Variants in ZFHX2 observed in about 807,000 individuals in gnomAD.
ZFHX2 encodes the protein zinc finger homeobox 2.
In ZFHX2, 75 loss-of-function variants were observed where a neutral mutation model predicts 164.8. The observed-to-expected ratio is 0.46, with a 90% CI of 0.38 to 0.55. The LOEUF (loss-of-function observed/expected upper bound fraction) is 0.55. Ranked by LOEUF, ZFHX2 falls within the 20% of genes least tolerant of loss-of-function variation. The probability of loss-of-function intolerance (pLI) is 0.00; values close to 1 mark genes in which losing one functional copy is unlikely to be tolerated. For missense variants in ZFHX2, 2,933 were observed against 3,308.0 expected, an observed-to-expected ratio of 0.89 and a Z score of 2.78; for synonymous variants, 1,217 against 1,351.4, an observed-to-expected ratio of 0.90 and a Z score of 2.18.
chr14:23,524,401 C>T lies in ZFHX2; in HGVS notation c.5541G>A (p.Gly1847=). Residue 1847 remains glycine, a synonymous_variant, in exon 9 of 10, where the codon GGG becomes GGA. Transcript: ENST00000419474. The surrounding 1 kb of genome is among the most constrained non-coding windows in gnomAD (Gnocchi z 5.6). ...TGGGGGGCTCGCCCTCCCCTCCTCC[C>T]CCTGCTTCACTGCCTGTGGGAGACA... ...GSLSPTGSEA[G]GGGEGEPPRD... 1 of 1,536,228 alleles carries T rather than the reference C, an allele frequency of 6.5e-7. No individual in the cohort carries two copies. Among genetic ancestry groups the T allele is most frequent in the Non-Finnish European group, 8.7e-7 (1 of 1,146,910 alleles).
Position 23,531,320 on chromosome 14 carries a change from G to A in ZFHX2, c.2800+161C>T, listed in dbSNP as rs540400709. 68 of 1,089,486 alleles carry A rather than the reference G, an allele frequency of 6.2e-5. 1 individual carries two copies. The South Asian group carries it at 1.4e-3, about 22-fold the overall frequency. The allele number at this position is 1,089,486 out of a possible 1,614,324, so 67.5% of individuals were successfully genotyped here. On this transcript the variant is annotated intron_variant, in intron 4 of 9. Transcript: ENST00000419474. Reference sequence around the variant, plus strand: ...AGGTAGCCTCCACAGTGCCTGACACGCTCATTCTGTCTTATCCCTTCGCAG... The same window carrying A: ...AGGTAGCCTCCACAGTGCCTGACACACTCATTCTGTCTTATCCCTTCGCAG...
upstream of ZFHX2, among the ~76,000 whole-genome samples, chr14:23,554,468 C>T (rs1452161542): frequency 2.0e-5 from 3 of 152,052 alleles, no homozygotes; most frequent in African/African-American, 7.2e-5. Flanking sequence ...CCTTGACCTC[C>T]TGGGCTCAAG....
At chr14:23,541,827 AT>A (rs1771551939) in intron 1 of ZFHX2, among the ~76,000 whole-genome samples, 1 of 65,776 alleles carries the variant, frequency 1.5e-5, no homozygotes, top group Non-Finnish European at 2.6e-5. Flanking sequence ...TCATTCTATC[AT>A]CTCTAAATCT....
In ZFHX2 at chr14:23,520,943, C is replaced by G. The variant is rs1291295436; in HGVS notation, c.*1019G>C. On this transcript the variant is annotated 3_prime_UTR_variant, in exon 10 of 10. Transcript: ENST00000419474. This position sits in a 1 kb window ranked among gnomAD's most constrained non-coding sequence, Gnocchi z 8.7. ...GTTCATTCCTCTGGTGTCCGTTTCT[C>G]TCTTTTGTGCGCGTGTGCACGTACT... 1 of 149,514 alleles carries G rather than the reference C, an allele frequency of 6.7e-6. No homozygotes were observed. Among genetic ancestry groups the G allele is most frequent in the Admixed American group, 6.7e-5 (1 of 15,036 alleles). 9.3% of individuals were successfully genotyped at this position (149,514 alleles called of 1,614,324 possible). A position where few individuals can be genotyped will look rare whatever the true frequency, so the allele number is the denominator to read the frequency against.
Position 23,534,646 on chromosome 14 carries a change from T to C in ZFHX2, c.680A>G (p.Asn227Ser). Reference protein sequence around the residue: ...PGDPKDGPMGNSGGNHVAVFW... With the variant: ...PGDPKDGPMGSSGGNHVAVFW... ...GACCGCCACGTGGTTGCCCCCGCTG[T>C]TCCCCATGGGGCCATCTTTGGGATC... The change falls in exon 2 of 10, where the codon AAC becomes AGC. Residue 227 changes from asparagine (N) to serine (S), a missense_variant. Physicochemically the swap from Asn to Ser is conservative, Grantham distance 46. Coordinates refer to ENST00000419474, the MANE Select transcript of ZFHX2 (RefSeq NM_033400.3). This position sits in a 1 kb window ranked among gnomAD's most constrained non-coding sequence, Gnocchi z 4.5. 1 of 1,536,158 alleles carries C rather than the reference T, an allele frequency of 6.5e-7. No individual in the cohort carries two copies. The highest frequency in any genetic ancestry group is 8.7e-7 in the Non-Finnish European group (1 of 1,146,908).
chr14:23,538,408 T>C (rs2295906), intron 1 of ZFHX2, among the ~76,000 whole-genome samples: 51,664 of 151,550 alleles, frequency 0.34, 12,249 homozygotes, highest in African/African-American at 0.68. Context: ...ATTATTTTTT[T>C]GCTTTTTTTC....
Position 23,525,949 on chromosome 14 carries a change from G to A in ZFHX2, c.3993C>T (p.Asp1331=). Reference sequence around the variant, plus strand: ...AGAGAGGGGCTGGGAATCGGTGCAGGTCCAAGGGAGGTGGGGGAGGGGACA... The same window carrying A: ...AGAGAGGGGCTGGGAATCGGTGCAGATCCAAGGGAGGTGGGGGAGGGGACA... The part of the protein sequence containing the change: ...PFLSPPPPPL[D]LHRFPAPLFT... The change falls in exon 9 of 10, where the codon GAC becomes GAT. Residue 1331 remains aspartate (D), a synonymous_variant. Transcript: ENST00000419474. The surrounding 1 kb of genome is among the most constrained non-coding windows in gnomAD (Gnocchi z 5.9). 2 of 1,496,572 alleles carry A rather than the reference G, an allele frequency of 1.3e-6. No individual in the cohort carries two copies. Among genetic ancestry groups the A allele is most frequent in the East Asian group, 4.9e-5 (2 of 40,642 alleles). 92.7% of individuals were successfully genotyped at this position (1,496,572 alleles called of 1,614,324 possible). A position where few individuals can be genotyped will look rare whatever the true frequency, so the allele number is the denominator to read the frequency against.
Position 23,529,760 on chromosome 14 carries a change from C to T in ZFHX2, c.2884G>A (p.Glu962Lys). 6.5e-7 allele frequency: 1 copy of T among 1,536,334 alleles called. No individual in the cohort carries two copies. The highest frequency in any genetic ancestry group is 1.2e-5 in the South Asian group (1 of 84,066). The change falls in exon 6 of 10, where the codon GAG becomes AAG. Residue 962 changes from glutamate (E) to lysine (K), a missense_variant. By Grantham distance (56) the Glu-to-Lys change is moderately conservative. Coordinates refer to ENST00000419474, the MANE Select transcript of ZFHX2 (RefSeq NM_033400.3). ...QNKTEQLASEETENKTGPSRD... is the reference protein window; with the variant it reads ...QNKTEQLASEKTENKTGPSRD... ...GAAGGGCCAGTCTTGTTTTCTGTCT[C>T]TTCTGAAGCTGAGGATGAAAGAAGA...
Position 23,525,416 on chromosome 14 carries a change from A to G in ZFHX2, c.4526T>C (p.Phe1509Ser). 1.3e-6 allele frequency: 2 copies of G among 1,536,160 alleles called. No homozygotes were observed. The highest frequency in any genetic ancestry group is 4.9e-5 in the East Asian group (2 of 40,904). Residue 1509 changes from phenylalanine (F) to serine (S), a missense_variant, in exon 9 of 10, where the codon TTT becomes TCT. Physicochemically the swap from Phe to Ser is radical, Grantham distance 155. Transcript: ENST00000419474. The surrounding 1 kb of genome is among the most constrained non-coding windows in gnomAD (Gnocchi z 5.9). ...AGCAGCATAACGGCTCAGGGCTTCA[A>G]AGGGCAGAAAGCGGCGGTGGACATG... ...EEHVHRRFLP[F>S]EALSRYAAQF... is the part of the protein sequence containing the mutation.
chr14:23,533,658 G>T lies in ZFHX2; in HGVS notation c.1668C>A (p.Pro556=). ...TCTTAGGCTCTTTGTCTCCCGCGGA[G>T]GGTGGGAGTGATGCCTCTGGTGGAC... is the stretch of plus-strand genomic sequence containing the variant. ...QGSPPEASLP[P]SAGDKEPKTK... The change falls in exon 2 of 10, where the codon CCC becomes CCA. Residue 556 remains proline (P), a synonymous_variant. Coordinates refer to ENST00000419474, the MANE Select transcript of ZFHX2 (RefSeq NM_033400.3). The surrounding 1 kb of genome is among the most constrained non-coding windows in gnomAD (Gnocchi z 4.8). The T allele has an allele frequency of 6.5e-7, 1 of 1,537,368 alleles. No individual in the cohort carries two copies. The highest frequency in any genetic ancestry group is 8.7e-7 in the Non-Finnish European group (1 of 1,147,294).
In ZFHX2 at chr14:23,521,578, G is replaced by C. The variant is rs1211527843; in HGVS notation, c.*384C>G. 5.0e-6 allele frequency: 1 copy of C among 198,064 alleles called. No homozygotes were observed. Among genetic ancestry groups the C allele is most frequent in the Non-Finnish European group, 1.0e-5 (1 of 97,584 alleles). 12.3% of individuals were successfully genotyped at this position (198,064 alleles called of 1,614,324 possible). ...ATAACGTGTGTGTGTGCATGTATGT[G>C]TATGCATTTATGGGGATGGGGAGCT... On this transcript the variant is annotated 3_prime_UTR_variant, in exon 10 of 10. Transcript: ENST00000419474.
upstream of ZFHX2, among the ~76,000 whole-genome samples, chr14:23,552,399 TCTCCTACCTCAGC>T (rs976807025): frequency 6.6e-6 from 1 of 151,630 alleles, no homozygotes; most frequent in Non-Finnish European, 1.5e-5. Context: ...TTCAAGCGAT[TCTCCTACCTCAGC>T]CTCCTAAGTA....
Position 23,522,575 on chromosome 14 carries a change from G to A in ZFHX2, c.7106C>T (p.Ala2369Val). The A allele has an allele frequency of 2.0e-6, 3 of 1,526,852 alleles. No homozygotes were observed. The highest frequency in any genetic ancestry group is 1.2e-5 in the South Asian group (1 of 83,236). 94.6% of individuals were successfully genotyped at this position (1,526,852 alleles called of 1,614,324 possible). A position where few individuals can be genotyped will look rare whatever the true frequency, so the allele number is the denominator to read the frequency against. Reference sequence around the variant, plus strand: ...CATGCCATAGAGCTGTTGGAAGTAGGCCCCCTGTAGCTGGGGGCCAAAGAC... The same window carrying A: ...CATGCCATAGAGCTGTTGGAAGTAGACCCCCTGTAGCTGGGGGCCAAAGAC... ...PAVFGPQLQG[A>V]YFQQLYGMKK... The change falls in exon 10 of 10, where the codon GCC (alanine) becomes GTC (valine). Residue 2369 changes from alanine (A) to valine (V), a missense_variant. Physicochemically the swap from Ala to Val is moderately conservative, Grantham distance 64 (BLOSUM62 0). Transcript: ENST00000419474.
chr14:23,526,032 C>A lies in ZFHX2; in HGVS notation c.3910G>T (p.Val1304Leu). 1 of 1,536,176 alleles carries A rather than the reference C, an allele frequency of 6.5e-7. No homozygotes were observed. Among genetic ancestry groups the A allele is most frequent in the East Asian group, 2.4e-5 (1 of 40,910 alleles). The change falls in exon 9 of 10, where the codon GTG becomes TTG. Residue 1304 changes from valine to leucine, a missense_variant. Coordinates refer to ENST00000419474, the MANE Select transcript of ZFHX2 (RefSeq NM_033400.3). Reference protein sequence around the residue: ...EPKEGETEGEVGTEKKGPDTS... With the variant: ...EPKEGETEGELGTEKKGPDTS... ...TCAGGGCCCTTCTTCTCAGTGCCCA[C>A]CTCCCCCTCTGTCTCGCCTTCCTTG...
chr14:23,536,488 A>G (rs886252933), intron 1 of ZFHX2, among the ~76,000 whole-genome samples: 1 of 152,216 alleles, frequency 6.6e-6, no homozygotes, highest in Non-Finnish European at 1.5e-5. Flanking sequence ...CAGTTGAAAG[A>G]TAACAGCTAG....
In ZFHX2 at chr14:23,551,559, A is replaced by G. The variant is rs969482995; in HGVS notation, c.-266T>C. On this transcript the variant is annotated 5_prime_UTR_variant, in exon 1 of 10. Transcript: ENST00000419474. This position sits in a 1 kb window ranked among gnomAD's most constrained non-coding sequence, Gnocchi z 5.3. ...TCACGGCGGTGAGGGAAGTGAAGGAAAATAATCAATGCTATTTGGCTGCGG... is the reference window on the plus strand; with the variant it reads ...TCACGGCGGTGAGGGAAGTGAAGGAGAATAATCAATGCTATTTGGCTGCGG... The G allele has an allele frequency of 6.5e-6, 1 of 152,672 alleles. No individual in the cohort carries two copies. The highest frequency in any genetic ancestry group is 2.4e-5 in the African/African-American group (1 of 41,418). 9.5% of individuals were successfully genotyped at this position (152,672 alleles called of 1,614,324 possible). A position where few individuals can be genotyped will look rare whatever the true frequency, so the allele number is the denominator to read the frequency against.
In ZFHX2 at chr14:23,548,227, C is replaced by T. The variant is rs115232449; in HGVS notation, c.-50+3116G>A. ...CTGCCTGCCTTTTGATCCAACCATC[C>T]TGACCTCAATGCCCTGTCTTAGGTT... On this transcript the variant is annotated intron_variant, in intron 1 of 9. Coordinates refer to ENST00000419474, the MANE Select transcript of ZFHX2 (RefSeq NM_033400.3). 1.3e-3 allele frequency among the ~76,000 whole-genome samples: 195 copies of T among 152,306 alleles called. 2 individuals are homozygous for T. The highest frequency in any genetic ancestry group is 4.6e-3 in the African/African-American group (193 of 41,568).
In ZFHX2 at chr14:23,526,379, G is replaced by A; in HGVS notation, c.3563C>T (p.Ala1188Val). ...ACACACAGTGCACTTATAGGGCCGG[G>A]CAGGGTCGAGAAACTTGTCCAGGGC... ...NFALDKFLDP[A>V]RPYKCTVCKE... is the part of the protein sequence containing the mutation. The change falls in exon 9 of 10, where the codon GCC becomes GTC. Residue 1188 changes from alanine to valine, a missense_variant. Transcript: ENST00000419474. 6.5e-7 allele frequency: 1 copy of A among 1,536,368 alleles called. No homozygotes were observed. Among genetic ancestry groups the A allele is most frequent in the Non-Finnish European group, 8.7e-7 (1 of 1,146,894 alleles).
intron 1 of ZFHX2, among the ~76,000 whole-genome samples, chr14:23,542,522 C>A (rs1244212984): frequency 2.6e-5 from 4 of 152,194 alleles, no homozygotes; most frequent in South Asian, 4.2e-4. Flanking sequence ...CTGCACAGAT[C>A]TATGTGATTT....
Sources: allele counts gnomAD v4.1 joint callset (sites outside exome capture counted in the v4.1 genomes callset), GRCh38; gene constraint gnomAD v4.1.1; non-coding constraint Gnocchi (gnomAD v3.1); transcripts MANE v1.5; gene names NCBI Gene and HGNC (gene_info 2026-07-23, HGNC 2026-07-21).